The following S100Z variants were observed in gnomAD, a reference collection of about 807,000 sequenced individuals.
S100Z encodes S100 calcium binding protein Z.
In S100Z, 11 loss-of-function variants were observed where a neutral mutation model predicts 8.5. That is an observed-to-expected ratio of 1.30 (90% confidence interval 0.82 to 2.15). The LOEUF (loss-of-function observed/expected upper bound fraction) is 2.15, where lower values mean the gene tolerates loss of function less well. Among genes scored for constraint, S100Z ranks in the 30% most tolerant of loss-of-function variants. S100Z has a pLI of 0.00. For synonymous variants in S100Z, 34 were observed against 43.8 expected (o/e 0.78, Z 0.89); for missense variants, 126 against 117.9 (o/e 1.07, Z -0.32).
downstream of S100Z, among the ~76,000 whole-genome samples, chr5:76,924,405 G>T (rs1359909945): frequency 1.3e-5 from 2 of 152,056 alleles, no homozygotes; most frequent in Non-Finnish European, 2.9e-5. Flanking sequence ...TTCACTTTCA[G>T]CAAAGCTTCA....
At chr5:76,870,857 C>T (rs1742982950) in intron 2 of S100Z, among the ~76,000 whole-genome samples, 2 of 152,088 alleles carry the variant, frequency 1.3e-5, no homozygotes, top group African/African-American at 4.8e-5. Context: ...CACGCTGGCT[C>T]ACATCTATAA....
At chr5:76,904,252 T>C (rs1744344038) in intron 4 of S100Z, among the ~76,000 whole-genome samples, 1 of 152,154 alleles carries the variant, frequency 6.6e-6, no homozygotes, top group African/African-American at 2.4e-5. Flanking sequence ...TAAACTGCAG[T>C]GGTGTGATCT....
At chr5:76,871,227 G>A (rs1264841010) in intron 2 of S100Z, among the ~76,000 whole-genome samples, 2 of 152,190 alleles carry the variant, frequency 1.3e-5, no homozygotes, top group Admixed American at 6.5e-5. Context: ...AAATGGTCCT[G>A]TAAAGCCGTC....
At position 76,907,011 on chromosome 5, in the gene S100Z, T is replaced by C. The variant is rs868176547; in HGVS notation, c.*3-13706T>C. 1.4e-3 allele frequency among the ~76,000 whole-genome samples: 153 copies of C among 108,672 alleles called. 7 individuals carry two copies. Among genetic ancestry groups the C allele is most frequent in the African/African-American group, 0.01 (141 of 13,464 alleles). The allele number at this position is 108,672 out of a possible 152,430, so 71.3% of individuals were successfully genotyped here. On this transcript the variant is annotated intron_variant, in intron 4 of 4. Coordinates refer to ENST00000317593, the MANE Select transcript of S100Z (RefSeq NM_130772.4). Reference sequence around the variant, plus strand: ...ATATATATATATATATATATATATATATATATATATATACATATATATATA... The same window carrying C: ...ATATATATATATATATATATATATACATATATATATATACATATATATATA...
intron 2 of S100Z, among the ~76,000 whole-genome samples, chr5:76,872,558 G>A (rs1412192665): frequency 6.6e-6 from 1 of 151,242 alleles, no homozygotes; most frequent in Non-Finnish European, 1.5e-5. Context: ...CTACTCAGGT[G>A]GCTGAAGCAG....
chr5:76,915,717 C>G (rs1288783059), intron 4 of S100Z, among the ~76,000 whole-genome samples: 1 of 152,084 alleles, frequency 6.6e-6, no homozygotes, highest in Non-Finnish European at 1.5e-5. Context: ...AATGGTTTAA[C>G]TATAAAAATT....
intron 1 of S100Z, among the ~76,000 whole-genome samples, chr5:76,866,318 CA>C (rs1420913998): frequency 6.6e-6 from 1 of 152,098 alleles, no homozygotes; most frequent in Non-Finnish European, 1.5e-5. Flanking sequence ...ATTCTGGGCT[CA>C]AATGATCTGC....
At chr5:76,937,752 C>CAAAAAA in the S100Z span, among the ~76,000 whole-genome samples, 29,243 of 72,176 alleles carry the variant, frequency 0.41, 6,557 homozygotes, top group South Asian at 0.66. Flanking sequence ...GACCCTGTCT[C>CAAAAAA]AAAAAAAAAA....
intron 4 of S100Z, among the ~76,000 whole-genome samples, chr5:76,901,078 G>A (rs1335371397): frequency 1.3e-5 from 2 of 152,182 alleles, no homozygotes; most frequent in African/African-American, 4.8e-5. Flanking sequence ...CAAACATACA[G>A]AGTCTCTCTC....
rs78571450 is a variant in S100Z at position 76,856,180 on chromosome 5, C to T, written c.-176+6025C>T. ...CCTGTACAGCCTGTGAAACTGTGAGCCAATTAACCTTCTTTACTTTTTTGT... is the reference window on the plus strand; with the variant it reads ...CCTGTACAGCCTGTGAAACTGTGAGTCAATTAACCTTCTTTACTTTTTTGT... On this transcript the variant is annotated intron_variant, in intron 1 of 4. Transcript: ENST00000317593. Among the ~76,000 whole-genome samples the T allele has an allele frequency of 3.9e-4, 59 of 152,204 alleles. 1 individual carries two copies. In the East Asian group the frequency reaches 0.011, roughly 29 times the overall value.
At chr5:76,865,603 A>T (rs1421529050) in intron 1 of S100Z, among the ~76,000 whole-genome samples, 1 of 151,978 alleles carries the variant, frequency 6.6e-6, no homozygotes, top group African/African-American at 2.4e-5. Flanking sequence ...TTAAAAATAG[A>T]AAAAACTTAT....
intron 4 of S100Z, among the ~76,000 whole-genome samples, chr5:76,895,760 T>C (rs1307135256): frequency 7.0e-6 from 1 of 143,570 alleles, no homozygotes; most frequent in Non-Finnish European, 1.5e-5. Flanking sequence ...TTCTTTCTTT[T>C]CTTCCTTTTT....
intron 2 of S100Z, 143 bp from the exon 3 acceptor site, chr5:76,875,161 G>A: frequency 2.5e-6 from 1 of 401,142 alleles, no homozygotes; most frequent in Non-Finnish European, 4.4e-6. Context: ...AAAGTGCTGG[G>A]ATTACAGGCT....
intron 4 of S100Z, among the ~76,000 whole-genome samples, chr5:76,918,330 C>T (rs563574135): frequency 6.6e-6 from 1 of 152,290 alleles, no homozygotes. Context: ...CCTCAGCCTT[C>T]TGAGTAGCTG....
intron 1 of S100Z, among the ~76,000 whole-genome samples, chr5:76,867,152 G>A (rs1379472490): frequency 6.6e-6 from 1 of 152,120 alleles, no homozygotes; most frequent in Non-Finnish European, 1.5e-5. Flanking sequence ...ACTTTGGTAA[G>A]TTTGACATCT....
At chr5:76,851,409 C>A (rs2460506) in intron 1 of S100Z, among the ~76,000 whole-genome samples, 52,006 of 151,876 alleles carry the variant, frequency 0.34, 9,843 homozygotes, top group South Asian at 0.65. Flanking sequence ...GGATCTCATG[C>A]AGTAATTCAG....
the S100Z span, chr5:76,948,951 G>C: frequency 6.6e-6 from 1 of 152,200 alleles, no homozygotes; most frequent in Non-Finnish European, 1.5e-5. Flanking sequence ...GGAAGTTGGA[G>C]GGTGGGAGGA....
the S100Z span, among the ~76,000 whole-genome samples, chr5:76,948,635 C>T: frequency 7.5e-4 from 114 of 152,190 alleles, 1 homozygote; most frequent in South Asian, 0.022. Flanking sequence ...GAGACATCAC[C>T]TCGAAACTGT....
At chr5:76,888,672 A>G (rs1478444778) in intron 4 of S100Z, among the ~76,000 whole-genome samples, 3 of 151,820 alleles carry the variant, frequency 2.0e-5, no homozygotes, top group Admixed American at 1.3e-4. Flanking sequence ...CACCGCGCCC[A>G]GCCATAGTGC....
Sources: allele counts gnomAD v4.1 joint callset (sites outside exome capture counted in the v4.1 genomes callset), GRCh38; gene constraint gnomAD v4.1.1; transcripts MANE v1.5; gene names NCBI Gene and HGNC (gene_info 2026-07-23, HGNC 2026-07-21).